PRLR: variants seen among roughly 807,000 people sequenced by gnomAD.
PRLR encodes the protein hPRL receptor.
PRLR carries 13 observed loss-of-function variants against 40.2 expected under a neutral mutation model. The observed-to-expected ratio is 0.32, with a 90% CI of 0.21 to 0.51. The LOEUF (loss-of-function observed/expected upper bound fraction) is 0.51. Ranked by LOEUF, PRLR falls within the 20% of genes least tolerant of loss-of-function variation. PRLR has a pLI of 0.97. For synonymous variants in PRLR, 269 were observed against 278.7 expected, an observed-to-expected ratio of 0.97 and a Z score of 0.35; for missense variants, 656 against 747.3, an observed-to-expected ratio of 0.88 and a Z score of 1.42.
chr5:35,115,852 C>T (rs1013770195), intron 2 of PRLR, among the ~76,000 whole-genome samples: 2 of 151,984 alleles, frequency 1.3e-5, no homozygotes, highest in African/African-American at 2.4e-5. Context: ...AAATGGACTG[C>T]GGCACTTTGG....
chr5:35,100,952 TG>T (rs1771840613), intron 2 of PRLR, among the ~76,000 whole-genome samples: 1 of 152,194 alleles, frequency 6.6e-6, no homozygotes, highest in Admixed American at 6.5e-5. Flanking sequence ...GCTAAGAGGC[TG>T]GGTGTTATAA....
Position 35,217,749 on chromosome 5 carries a change from A to G in PRLR, c.-106+12519T>C, listed in dbSNP as rs552723713. On this transcript the variant is annotated intron_variant, in intron 1 of 9. Coordinates refer to ENST00000618457, the MANE Select transcript of PRLR (RefSeq NM_000949.7). The stretch of plus-strand genomic sequence containing the variant: ...AAAAATAAATAAAAATTTAAAAGTC[A>G]CAGATATGAACACTATTATGGTTTC... 5.3e-5 allele frequency among the ~76,000 whole-genome samples: 8 copies of G among 152,364 alleles called. No homozygotes were observed. The South Asian group carries it at 1.0e-3, about 20-fold the overall frequency.
chr5:35,206,465 G>A (rs2111625209), intron 1 of PRLR, among the ~76,000 whole-genome samples: 1 of 152,100 alleles, frequency 6.6e-6, no homozygotes, highest in Middle Eastern at 3.4e-3. Flanking sequence ...TCACAAAAGA[G>A]AAGTCATATA....
chr5:35,157,529 C>T (rs998422287), intron 1 of PRLR, among the ~76,000 whole-genome samples: 1 of 152,114 alleles, frequency 6.6e-6, no homozygotes, highest in Non-Finnish European at 1.5e-5. Context: ...AATGTAAGCC[C>T]AGAACACAGA....
chr5:35,140,329 T>C (rs1296942397), intron 1 of PRLR, among the ~76,000 whole-genome samples: 3 of 152,226 alleles, frequency 2.0e-5, no homozygotes, highest in Non-Finnish European at 4.4e-5. Flanking sequence ...TAGTCTGTAA[T>C]AATCCTTTTG....
chr5:35,176,067 G>A (rs972922853), intron 1 of PRLR, among the ~76,000 whole-genome samples: 5 of 152,044 alleles, frequency 3.3e-5, no homozygotes, highest in East Asian at 1.9e-4. Flanking sequence ...ACACACATAC[G>A]GATGCACATG....
intron 1 of PRLR, among the ~76,000 whole-genome samples, chr5:35,139,912 G>C (rs1253081264): frequency 7.2e-6 from 1 of 139,204 alleles, no homozygotes; most frequent in Non-Finnish European, 1.5e-5. Flanking sequence ...AAAAAATATA[G>C]ATGTTAAAAT....
intron 2 of PRLR, among the ~76,000 whole-genome samples, chr5:35,100,288 A>G (rs540014356): frequency 5.9e-5 from 9 of 152,134 alleles, no homozygotes; most frequent in Non-Finnish European, 1.3e-4. Flanking sequence ...TTTAAAAAAA[A>G]TTTGGTGTAG....
At chr5:35,203,902 G>A (rs1412038757) in intron 1 of PRLR, among the ~76,000 whole-genome samples, 1 of 151,990 alleles carries the variant, frequency 6.6e-6, no homozygotes, top group Non-Finnish European at 1.5e-5. Flanking sequence ...TAACCTTGGT[G>A]TTGCAAATCA....
chr5:35,081,778 A>AACAC (rs71974696), intron 5 of PRLR: 4,510 of 136,738 alleles, frequency 0.033, 127 homozygotes, highest in African/African-American at 0.075. Flanking sequence ...GCAATACACA[A>AACAC]ACACACACAC....
At chr5:35,136,950 GA>G (rs373569346) in intron 1 of PRLR, among the ~76,000 whole-genome samples, 136 of 119,742 alleles carry the variant, frequency 1.1e-3, no homozygotes, top group Non-Finnish European at 1.2e-3. Flanking sequence ...GAAAGAAAAA[GA>G]AAAAAAAAAA....
chr5:35,226,941 A>C (rs1232781307), intron 1 of PRLR, among the ~76,000 whole-genome samples: 2 of 152,254 alleles, frequency 1.3e-5, no homozygotes, highest in Admixed American at 6.5e-5. Context: ...GAATAAATGA[A>C]TGAAAACGTG....
chr5:35,156,782 CCT>C (rs1774522354), intron 1 of PRLR, among the ~76,000 whole-genome samples: 1 of 152,140 alleles, frequency 6.6e-6, no homozygotes, highest in Admixed American at 6.5e-5. Flanking sequence ...GGATCTCTCT[CCT>C]CCAAACTTCT....
intron 2 of PRLR, among the ~76,000 whole-genome samples, chr5:35,098,445 C>A (rs1323160867): frequency 6.6e-6 from 1 of 152,136 alleles, no homozygotes; most frequent in Non-Finnish European, 1.5e-5. Context: ...TGTTCTAAGC[C>A]ACAGAGATGT....
intron 8 of PRLR, among the ~76,000 whole-genome samples, chr5:35,049,743 A>C (rs1768419432): frequency 6.6e-6 from 1 of 152,110 alleles, no homozygotes; most frequent in Non-Finnish European, 1.5e-5. Context: ...CTAGCATCCT[A>C]GGACAGAGAA....
At chr5:35,093,789 A>G (rs1051248099) in intron 2 of PRLR, among the ~76,000 whole-genome samples, 4 of 152,220 alleles carry the variant, frequency 2.6e-5, no homozygotes, top group African/African-American at 7.2e-5. Context: ...GTCCCATAAG[A>G]TTATAATGCT....
At chr5:35,053,228 C>T (rs1469392778), downstream of PRLR, among the ~76,000 whole-genome samples, 1 of 152,154 alleles carries the variant, frequency 6.6e-6, no homozygotes, top group Non-Finnish European at 1.5e-5. Flanking sequence ...GGTATAAAGA[C>T]TGGAAAAGAA....
At chr5:35,180,318 G>A (rs1775260114) in intron 1 of PRLR, among the ~76,000 whole-genome samples, 1 of 152,228 alleles carries the variant, frequency 6.6e-6, no homozygotes, top group Non-Finnish European at 1.5e-5. Context: ...CTGGGGGTTG[G>A]GGACCTTGGT....
chr5:35,088,538 T>C (rs78796851), intron 3 of PRLR, among the ~76,000 whole-genome samples: 1,944 of 152,316 alleles, frequency 0.013, 46 homozygotes, highest in African/African-American at 0.045. Flanking sequence ...CTCTGAAAGC[T>C]TCTCTTTCTT....
Sources: gnomAD v4.1 joint callset for allele counts (sites outside exome capture counted in the v4.1 genomes callset) on GRCh38, gnomAD v4.1.1 for gene constraint, MANE v1.5 for transcripts, NCBI Gene and HGNC (gene_info 2026-07-23, HGNC 2026-07-21) for gene names.